Variants in AUTS2 observed in about 807,000 individuals in gnomAD.
AUTS2 encodes autism susceptibility gene 2 protein.
AUTS2 carries 17 observed loss-of-function variants against 112.4 expected under a neutral mutation model. The ratio of observed to expected loss-of-function variants is 0.15; its 90% CI spans 0.10 to 0.23. AUTS2 has a LOEUF of 0.23. AUTS2 is among the 10% of genes least tolerant of loss of function. The pLI, the probability that AUTS2 is intolerant of heterozygous loss-of-function variation, is 1.00. For missense variants in AUTS2, 1,510 were observed against 1,701.6 expected (o/e 0.89, Z 1.98); for synonymous variants, 751 against 702.7 (o/e 1.07, Z -1.09).
At chr7:69,602,928 T>C (rs1237937948) in intron 1 of AUTS2, among the ~76,000 whole-genome samples, 1 of 152,240 alleles carries the variant, frequency 6.6e-6, no homozygotes, top group Non-Finnish European at 1.5e-5. Context: ...TGGTCCACTC[T>C]ATTCAGTCTG....
chr7:70,427,438 T>C (rs538810602), intron 4 of AUTS2, among the ~76,000 whole-genome samples: 1 of 152,316 alleles, frequency 6.6e-6, no homozygotes, highest in African/African-American at 2.4e-5. Context: ...CTTCCTTTCT[T>C]AGAGGAAAAC....
chr7:69,772,753 T>G (rs988793143), intron 1 of AUTS2, among the ~76,000 whole-genome samples: 1 of 152,134 alleles, frequency 6.6e-6, no homozygotes, highest in African/African-American at 2.4e-5. Context: ...GGTCTTAAAG[T>G]GGAAATAACT....
intron 2 of AUTS2, among the ~76,000 whole-genome samples, chr7:70,081,963 T>TGCGCGC (rs1554304900): frequency 6.8e-6 from 1 of 146,136 alleles, no homozygotes; most frequent in African/African-American, 2.6e-5. Context: ...TGTGTGTGTG[T>TGCGCGC]GTGCGCGCGC....
At chr7:70,111,328 A>G (rs1422421916) in intron 2 of AUTS2, among the ~76,000 whole-genome samples, 1 of 152,196 alleles carries the variant, frequency 6.6e-6, no homozygotes, top group African/African-American at 2.4e-5. Context: ...TAATCAAGTG[A>G]ACTATTAACA....
In AUTS2 at chr7:70,704,926, C is replaced by T. The variant is rs533655602; in HGVS notation, c.742+6306C>T. ...AATTATTTAACATTAACAGTAATTACAGACGCCAGTTAAGCGCCTACAGAT... is the reference window on the plus strand; with the variant it reads ...AATTATTTAACATTAACAGTAATTATAGACGCCAGTTAAGCGCCTACAGAT... On this transcript the variant is annotated intron_variant, in intron 6 of 18. Transcript: ENST00000342771. Among the ~76,000 whole-genome samples, 3 of 152,346 alleles carry T rather than the reference C, an allele frequency of 2.0e-5. No individual in the cohort carries two copies. The South Asian group carries it at 6.2e-4, about 32-fold the overall frequency.
intron 5 of AUTS2, among the ~76,000 whole-genome samples, chr7:70,604,628 AG>A (rs1375217715): frequency 1.3e-5 from 2 of 152,228 alleles, no homozygotes; most frequent in African/African-American, 4.8e-5. Context: ...CAGAGCTTGA[AG>A]GGAATTAGAG....
chr7:70,211,814 G>A (rs1562789913), intron 4 of AUTS2, among the ~76,000 whole-genome samples: 2 of 151,554 alleles, frequency 1.3e-5, no homozygotes, highest in Non-Finnish European at 2.9e-5. Flanking sequence ...GTGAAATCCC[G>A]TCTCTACTAA....
At chr7:70,281,524 A>G (rs1350066184) in intron 4 of AUTS2, among the ~76,000 whole-genome samples, 2 of 152,250 alleles carry the variant, frequency 1.3e-5, no homozygotes, top group Admixed American at 1.3e-4. Flanking sequence ...CATAGAAAAG[A>G]CATTCAGAGA....
chr7:69,599,783 C>T lies in AUTS2; in HGVS notation c.130C>T (p.Arg44Trp). 2 of 1,543,930 alleles carry T rather than the reference C, an allele frequency of 1.3e-6. No individual in the cohort carries two copies. Among genetic ancestry groups the T allele is most frequent in the Non-Finnish European group, 8.7e-7 (1 of 1,147,322 alleles). The change falls in exon 1 of 19, where the codon CGG becomes TGG. Residue 44 changes from arginine to tryptophan, a missense_variant. Arg to Trp is a moderately radical substitution (Grantham distance 101). Around this residue, in one of 3 missense-constraint regions of AUTS2, gnomAD observed 535 missense variants for 594.3 expected, o/e 0.90. Transcript: ENST00000342771. This position sits in a 1 kb window ranked among gnomAD's most constrained non-coding sequence, Gnocchi z 7.0. Reference protein sequence around the residue: ...AAGGGGAGRTRALSLASSSGS... With the variant: ...AAGGGGAGRTWALSLASSSGS... ...CGGCGGCGGCGGGGCTGGCCGGACC[C>T]GGGCGCTCTCACTCGCCTCGTCGTC...
chr7:70,543,946 TC>T (rs1800662123), intron 5 of AUTS2, among the ~76,000 whole-genome samples: 1 of 152,178 alleles, frequency 6.6e-6, no homozygotes, highest in South Asian at 2.1e-4. Flanking sequence ...GTGTACCCTC[TC>T]TTTCAGGCTT....
chr7:70,377,255 A>G (rs1246990379), intron 4 of AUTS2, among the ~76,000 whole-genome samples: 1 of 145,700 alleles, frequency 6.9e-6, no homozygotes, highest in African/African-American at 2.5e-5. Context: ...CATTGCAGAG[A>G]TCCTCATACT....
chr7:70,299,488 A>C (rs974519135), intron 4 of AUTS2, among the ~76,000 whole-genome samples: 5 of 152,152 alleles, frequency 3.3e-5, no homozygotes, highest in African/African-American at 1.2e-4. Flanking sequence ...CCTCTCTCAC[A>C]AGCTGGTGGG....
At chr7:70,514,122 C>G (rs1484376156) in intron 5 of AUTS2, among the ~76,000 whole-genome samples, 1 of 152,152 alleles carries the variant, frequency 6.6e-6, no homozygotes, top group Non-Finnish European at 1.5e-5. Flanking sequence ...AGATAGAGCT[C>G]TAGTTTATTT....
intron 2 of AUTS2, among the ~76,000 whole-genome samples, chr7:70,059,491 C>T (rs1309681120): frequency 6.6e-6 from 1 of 152,114 alleles, no homozygotes; most frequent in African/African-American, 2.4e-5. Context: ...GAGATCTTAA[C>T]ATTCACATTG....
intron 2 of AUTS2, among the ~76,000 whole-genome samples, chr7:70,114,039 G>A (rs1034124245): frequency 6.6e-6 from 1 of 152,144 alleles, no homozygotes; most frequent in Non-Finnish European, 1.5e-5. Flanking sequence ...AAACAAACTA[G>A]CTTCTTATAT....
At chr7:69,938,721 G>A (rs557225710) in intron 2 of AUTS2, among the ~76,000 whole-genome samples, 55 of 152,302 alleles carry the variant, frequency 3.6e-4, no homozygotes, top group African/African-American at 1.3e-3. Context: ...AAGTGTCTTA[G>A]ATAGACAAGG....
chr7:70,064,306 C>T (rs1267555566), intron 2 of AUTS2, among the ~76,000 whole-genome samples: 1 of 152,110 alleles, frequency 6.6e-6, no homozygotes, highest in Non-Finnish European at 1.5e-5. Flanking sequence ...AGAGGTTTAC[C>T]CTTTGCTTTG....
intron 1 of AUTS2, among the ~76,000 whole-genome samples, chr7:69,622,956 A>G (rs1229395172): frequency 6.6e-6 from 1 of 152,126 alleles, no homozygotes; most frequent in Non-Finnish European, 1.5e-5. Flanking sequence ...ATGGAGATAT[A>G]TATATATTTG....
intron 5 of AUTS2, among the ~76,000 whole-genome samples, chr7:70,518,200 A>G (rs1467206200): frequency 6.6e-6 from 1 of 152,212 alleles, no homozygotes; most frequent in East Asian, 1.9e-4. Flanking sequence ...TACTTCTAAA[A>G]TTATTTTTTA....
Sources: gnomAD v4.1 joint callset for allele counts (sites outside exome capture counted in the v4.1 genomes callset) on GRCh38, gnomAD v4.1.1 for gene constraint, gnomAD v4.1.1 regional missense constraint, Gnocchi (gnomAD v3.1) non-coding constraint, MANE v1.5 for transcripts, NCBI Gene and HGNC (gene_info 2026-07-23, HGNC 2026-07-21) for gene names.